The following SETBP1 variants were observed in gnomAD, a reference collection of about 807,000 sequenced individuals.
SETBP1 encodes SET-binding protein.
SETBP1 carries 9 observed loss-of-function variants against 101.0 expected under a neutral mutation model. The ratio of observed to expected loss-of-function variants is 0.09; its 90% CI spans 0.05 to 0.16. The LOEUF is 0.16. SETBP1 is among the 10% of genes least tolerant of loss of function. The probability of loss-of-function intolerance (pLI) is 1.00; values close to 1 mark genes in which losing one functional copy is unlikely to be tolerated. For missense variants in SETBP1, 1,858 were observed against 2,033.8 expected, an observed-to-expected ratio of 0.91 and a Z score of 1.66; for synonymous variants, 818 against 788.5, an observed-to-expected ratio of 1.04 and a Z score of -0.63.
intron 4 of SETBP1, among the ~76,000 whole-genome samples, chr18:45,011,523 A>G (rs1276795010): frequency 6.6e-6 from 1 of 152,232 alleles, no homozygotes; most frequent in African/African-American, 2.4e-5. Flanking sequence ...CTAGGAAAAA[A>G]TGTAACTGCT....
intron 3 of SETBP1, among the ~76,000 whole-genome samples, chr18:44,931,034 G>T (rs1354545225): frequency 6.6e-6 from 1 of 152,112 alleles, no homozygotes; most frequent in South Asian, 2.1e-4. Context: ...TGATGTTAGG[G>T]TGTCAATTTT....
chr18:44,860,053 G>A (rs1293852781), intron 2 of SETBP1, among the ~76,000 whole-genome samples: 1 of 152,204 alleles, frequency 6.6e-6, no homozygotes, highest in Non-Finnish European at 1.5e-5. Flanking sequence ...TGAGCCCAGG[G>A]ATTTAAATCA....
chr18:45,022,933 C>T (rs1040963199), intron 4 of SETBP1, among the ~76,000 whole-genome samples: 12 of 152,126 alleles, frequency 7.9e-5, no homozygotes, highest in Admixed American at 2.0e-4. Context: ...CACATTTAAG[C>T]CTGGGGGATA....
intron 4 of SETBP1, among the ~76,000 whole-genome samples, chr18:45,032,843 C>T (rs1446394476): frequency 2.0e-5 from 3 of 152,144 alleles, no homozygotes; most frequent in South Asian, 2.1e-4. Context: ...GTAGCAGAGG[C>T]TCTGTCTTCT....
At chr18:44,702,189 C>T (rs2144202062) in intron 2 of SETBP1, among the ~76,000 whole-genome samples, 1 of 152,232 alleles carries the variant, frequency 6.6e-6, no homozygotes, top group South Asian at 2.1e-4. Context: ...AGTGGAAGTG[C>T]ACCATCATAA....
intron 3 of SETBP1, among the ~76,000 whole-genome samples, chr18:44,911,682 C>A (rs1261666222): frequency 6.6e-6 from 1 of 152,206 alleles, no homozygotes; most frequent in South Asian, 2.1e-4. Context: ...CCCTGCCAAA[C>A]CTCACCCAGG....
intron 2 of SETBP1, among the ~76,000 whole-genome samples, chr18:44,809,560 A>G (rs1262964299): frequency 6.6e-6 from 1 of 152,178 alleles, no homozygotes; most frequent in Non-Finnish European, 1.5e-5. Flanking sequence ...AAAGTTACCC[A>G]TGGCCTTTAG....
At chr18:44,929,294 A>G (rs1378050910) in intron 3 of SETBP1, among the ~76,000 whole-genome samples, 2 of 152,090 alleles carry the variant, frequency 1.3e-5, no homozygotes, top group Non-Finnish European at 2.9e-5. Context: ...ATTGGTCTAT[A>G]TCTCTGTTTT....
intron 3 of SETBP1, among the ~76,000 whole-genome samples, chr18:44,899,691 T>C (rs755414246): frequency 5.3e-5 from 8 of 152,182 alleles, no homozygotes; most frequent in Admixed American, 2.6e-4. Context: ...TATTATGCAT[T>C]GATCTCCACA....
At chr18:44,962,977 C>T (rs192872755) in intron 4 of SETBP1, among the ~76,000 whole-genome samples, 96 of 152,284 alleles carry the variant, frequency 6.3e-4, no homozygotes, top group African/African-American at 2.2e-3. Context: ...CTTTTCAAAG[C>T]GTACTTCCTT....
intron 4 of SETBP1, among the ~76,000 whole-genome samples, chr18:44,974,500 G>C (rs1345727817): frequency 6.6e-6 from 1 of 152,130 alleles, no homozygotes; most frequent in Non-Finnish European, 1.5e-5. Flanking sequence ...ACCTGCTATG[G>C]TGTTTTCACT....
rs762064791 is a variant in SETBP1 at position 45,038,472 on chromosome 18, T to G, written c.4001-13T>G. 1 of 1,613,748 alleles carries G rather than the reference T, an allele frequency of 6.2e-7. No homozygotes were observed. Among genetic ancestry groups the G allele is most frequent in the Non-Finnish European group, 8.5e-7 (1 of 1,179,732 alleles). On this transcript the variant is annotated splice_polypyrimidine_tract_variant and intron_variant, in intron 4 of 5. Coordinates refer to ENST00000649279, the MANE Select transcript of SETBP1 (RefSeq NM_015559.3). ...TTAAAGTGACTGAAAGCTTTGGGGTTGTTATTTTTTAGGGATGCCAAGTCC... is the reference window on the plus strand; with the variant it reads ...TTAAAGTGACTGAAAGCTTTGGGGTGGTTATTTTTTAGGGATGCCAAGTCC...
chr18:44,700,950 A>G (rs1022471705), intron 1 of SETBP1, among the ~76,000 whole-genome samples: 7 of 152,222 alleles, frequency 4.6e-5, no homozygotes, highest in African/African-American at 1.7e-4. Context: ...GCCTACAGCT[A>G]TAAAATTAAT....
chr18:44,694,533 T>C lies in SETBP1; in HGVS notation c.-172-6642T>C, dbSNP rs1053380506. ...CATGGCTGCATTTTAAGCTACCAAC[T>C]TAATGCCACTGAATGTGGAGTTGGG... On this transcript the variant is annotated intron_variant, in intron 1 of 5. Coordinates refer to ENST00000649279, the MANE Select transcript of SETBP1 (RefSeq NM_015559.3). Among the ~76,000 whole-genome samples, 6 of 152,334 alleles carry C rather than the reference T, an allele frequency of 3.9e-5. No individual in the cohort carries two copies. The East Asian group carries it at 1.2e-3, about 29-fold the overall frequency.
At chr18:44,863,296 C>T (rs1225668002) in intron 2 of SETBP1, among the ~76,000 whole-genome samples, 1 of 152,154 alleles carries the variant, frequency 6.6e-6, no homozygotes, top group Non-Finnish European at 1.5e-5. Context: ...ATATTAGAAA[C>T]TTTCTTTGGG....
At chr18:44,834,193 G>A (rs2072440401) in intron 2 of SETBP1, among the ~76,000 whole-genome samples, 1 of 152,182 alleles carries the variant, frequency 6.6e-6, no homozygotes, top group South Asian at 2.1e-4. Flanking sequence ...GCTATGCTAT[G>A]GGTTACCTTC....
intron 4 of SETBP1, among the ~76,000 whole-genome samples, chr18:45,036,896 G>A (rs528383747): frequency 1.5e-4 from 23 of 152,286 alleles, no homozygotes; most frequent in South Asian, 1.5e-3. Flanking sequence ...TTTAGTGTCC[G>A]GCTACCTGGA....
intron 3 of SETBP1, among the ~76,000 whole-genome samples, chr18:44,880,511 C>T (rs553920565): frequency 1.3e-5 from 2 of 152,146 alleles, no homozygotes; most frequent in East Asian, 1.9e-4. Flanking sequence ...GTTCTTGTAT[C>T]GTTATAAAGA....
intron 4 of SETBP1, among the ~76,000 whole-genome samples, chr18:44,973,201 C>G (rs1371520448): frequency 6.6e-6 from 1 of 152,174 alleles, no homozygotes; most frequent in Admixed American, 6.5e-5. Flanking sequence ...ATATGTTGAA[C>G]CAGCCTTGCA....
Sources: gnomAD v4.1 joint callset for allele counts (sites outside exome capture counted in the v4.1 genomes callset) on GRCh38, gnomAD v4.1.1 for gene constraint, MANE v1.5 for transcripts, NCBI Gene and HGNC (gene_info 2026-07-23, HGNC 2026-07-21) for gene names.